The following FBXL18 variants were observed in gnomAD, a reference collection of about 807,000 sequenced individuals.
The protein encoded by FBXL18 is F-box/LRR-repeat protein 18.
A neutral mutation model predicts 46.0 loss-of-function variants in FBXL18; 36 were observed. That is an observed-to-expected ratio of 0.78 (90% CI 0.60 to 1.03). FBXL18 has a LOEUF of 1.03. Among genes scored for constraint, FBXL18 ranks in the 50% least tolerant of loss-of-function variants. The probability of loss-of-function intolerance (pLI) is 0.00; values close to 1 mark genes in which losing one functional copy is unlikely to be tolerated. For synonymous variants in FBXL18, 557 were observed against 465.3 expected, an observed-to-expected ratio of 1.20 and a Z score of -2.54; for missense variants, 977 against 1,004.1, an observed-to-expected ratio of 0.97 and a Z score of 0.36.
chr7:5,509,710 A>AG (rs1047383647), intron 1 of FBXL18, among the ~76,000 whole-genome samples: 7 of 151,492 alleles, frequency 4.6e-5, no homozygotes, highest in African/African-American at 1.7e-4. Flanking sequence ...TCAAAAAAAA[A>AG]AAAAAAAAAG....
At chr7:5,505,381 T>C in intron 2 of FBXL18, 31 bp downstream of exon 2, 1 of 1,597,868 alleles carries the variant, frequency 6.3e-7, no homozygotes. Context: ...ATCTAGCTTG[T>C]TTCTCATCTC....
chr7:5,475,228 A>G (rs1783490594), downstream of FBXL18, among the ~76,000 whole-genome samples: 1 of 151,904 alleles, frequency 6.6e-6, no homozygotes, highest in South Asian at 2.1e-4. The surrounding 1 kb of genome is among the most constrained non-coding windows in gnomAD (Gnocchi z 4.2). Flanking sequence ...AGGCTGAGGC[A>G]GGAGAATCGC....
At position 5,481,774 on chromosome 7, in the gene FBXL18, C is replaced by G. The variant is rs1234900085; in HGVS notation, c.*1G>C. The G allele has an allele frequency of 1.2e-6, 2 of 1,613,264 alleles. No individual in the cohort carries two copies. The highest frequency in any genetic ancestry group is 1.7e-6 in the Non-Finnish European group (2 of 1,179,968). ...AGACCGATGGGCGGCGGCTCCGCCTCTCACCACCACAGGTTCGGCGGTTCC... is the reference window on the plus strand; with the variant it reads ...AGACCGATGGGCGGCGGCTCCGCCTGTCACCACCACAGGTTCGGCGGTTCC... On this transcript the variant is annotated 3_prime_UTR_variant, in exon 5 of 5. Transcript: ENST00000382368.
chr7:5,464,254 G>C (rs569003481), intron 4 of FBXL18, among the ~76,000 whole-genome samples: 2 of 151,678 alleles, frequency 1.3e-5, no homozygotes, highest in Non-Finnish European at 2.9e-5. Context: ...CGAGGCAGGC[G>C]GATCACCTGA....
intron 2 of FBXL18, among the ~76,000 whole-genome samples, chr7:5,504,411 T>G (rs1490826045): frequency 6.1e-5 from 9 of 146,614 alleles, no homozygotes; most frequent in Non-Finnish European, 1.2e-4. Context: ...GCCTGGGGAT[T>G]CTCGTGCCTC....
At chr7:5,485,509 AAAAT>A (rs933059199) in intron 4 of FBXL18, among the ~76,000 whole-genome samples, 10 of 152,194 alleles carry the variant, frequency 6.6e-5, no homozygotes, top group Non-Finnish European at 1.0e-4. Flanking sequence ...ATGTGCAAAA[AAAAT>A]AAATAAATAA....
rs1282291226 is a variant in FBXL18, at chr7:5,475,909, G to C, written c.*5866C>G. ...ACAGTGAACACCAATGTCAGGAGCA[G>C]GCATCACCGTGAGACGCCACGGGGG... On this transcript the variant is annotated 3_prime_UTR_variant, in exon 5 of 5. Coordinates refer to ENST00000382368, the MANE Select transcript of FBXL18 (RefSeq NM_024963.6). This position sits in a 1 kb window ranked among gnomAD's most constrained non-coding sequence, Gnocchi z 4.2. The C allele has an allele frequency of 6.6e-6, 1 of 152,326 alleles. No individual in the cohort carries two copies. The highest frequency in any genetic ancestry group is 1.5e-5 in the Non-Finnish European group (1 of 68,080). 9.4% of individuals were successfully genotyped at this position (152,326 alleles called of 1,614,324 possible).
At chr7:5,512,974 G>C (rs913788853) in intron 1 of FBXL18, among the ~76,000 whole-genome samples, 3 of 152,138 alleles carry the variant, frequency 2.0e-5, no homozygotes, top group East Asian at 1.9e-4. Flanking sequence ...GACCTGAAAG[G>C]TGACAGATAC....
chr7:5,507,177 T>G (rs1584244003), intron 1 of FBXL18, among the ~76,000 whole-genome samples: 2 of 152,166 alleles, frequency 1.3e-5, no homozygotes, highest in East Asian at 3.8e-4. Context: ...TGTACATATT[T>G]GCCTGGATGG....
intron 4 of FBXL18, chr7:5,490,087 C>A: frequency 1.5e-6 from 2 of 1,361,484 alleles, no homozygotes; most frequent in Non-Finnish European, 2.0e-6. Context: ...ACCGCAAGGA[C>A]AACAGACTAC....
chr7:5,490,019 T>G (rs1238033280), intron 4 of FBXL18: 1 of 1,312,546 alleles, frequency 7.6e-7, no homozygotes, highest in Non-Finnish European at 1.0e-6. Flanking sequence ...CAAGTTGTTT[T>G]TACAACCAGA....
intron 1 of FBXL18, among the ~76,000 whole-genome samples, chr7:5,511,045 G>A (rs144040623): frequency 5.3e-5 from 8 of 152,204 alleles, no homozygotes; most frequent in Non-Finnish European, 8.8e-5. Flanking sequence ...CCTTTGTAGA[G>A]ATGGAGTTTT....
chr7:5,504,057 G>C (rs1203766125), intron 2 of FBXL18, among the ~76,000 whole-genome samples: 1 of 151,168 alleles, frequency 6.6e-6, no homozygotes, highest in Non-Finnish European at 1.5e-5. Flanking sequence ...GCTTCATGGA[G>C]AGGAGGCCTG....
At chr7:5,485,234 G>C (rs185978704) in intron 4 of FBXL18, among the ~76,000 whole-genome samples, 589 of 152,314 alleles carry the variant, frequency 3.9e-3, no homozygotes, top group Middle Eastern at 0.01. Context: ...TGCCACTCTA[G>C]AGTAGTGTGT....
intron 1 of FBXL18, among the ~76,000 whole-genome samples, chr7:5,512,137 C>T (rs1180816409): frequency 6.8e-6 from 1 of 147,842 alleles, no homozygotes; most frequent in African/African-American, 2.5e-5. Flanking sequence ...CCCAGCTACT[C>T]GGGAGGCTGA....
intron 4 of FBXL18, among the ~76,000 whole-genome samples, chr7:5,468,788 C>G (rs1562674951): frequency 6.6e-6 from 1 of 151,694 alleles, no homozygotes; most frequent in Non-Finnish European, 1.5e-5. Flanking sequence ...TTTGTAGAGA[C>G]AAGGATCTCA....
At chr7:5,482,092 C>G (rs1783663089) in intron 4 of FBXL18, among the ~76,000 whole-genome samples, 161 bp from the exon 5 acceptor site, 2 of 152,220 alleles carry the variant, frequency 1.3e-5, no homozygotes, top group Non-Finnish European at 2.9e-5. Flanking sequence ...CTAAGTGCCT[C>G]AAGGGCCCTG....
rs528348855 is a variant in FBXL18 at position 5,468,307 on chromosome 7, C to T, written c.2001-20464G>A. Among the ~76,000 whole-genome samples the T allele has an allele frequency of 3.3e-5, 5 of 151,870 alleles. No individual in the cohort carries two copies. In the East Asian group the frequency reaches 7.8e-4, roughly 24 times the overall value. On this transcript the variant is annotated intron_variant and NMD_transcript_variant, in intron 4 of 6. Coordinates refer to the FBXL18 transcript ENST00000415009. The stretch of plus-strand genomic sequence containing the variant: ...CCTGTTTTTGTATTTTTAGTAGAAA[C>T]GGGATTTCACTGTGTCAGCCAGGAT...
Position 5,496,474 on chromosome 7 carries a change from A to G in FBXL18, c.1781+4014T>C, listed in dbSNP as rs1242223604. 1.7e-5 allele frequency among the ~76,000 whole-genome samples: 2 copies of G among 115,010 alleles called. No homozygotes were observed. Among genetic ancestry groups the G allele is most frequent in the East Asian group, 3.6e-4 (1 of 2,782 alleles). 75.5% of individuals were successfully genotyped at this position (115,010 alleles called of 152,430 possible). On this transcript the variant is annotated intron_variant, in intron 3 of 4. Coordinates refer to ENST00000382368, the MANE Select transcript of FBXL18 (RefSeq NM_024963.6). The surrounding 1 kb of genome is among the most constrained non-coding windows in gnomAD (Gnocchi z 4.8). ...CCAATCCGTGGGCTCACCTGGATCCATAGGTGGCTAAAGGCCACCTATGAG... is the reference window on the plus strand; with the variant it reads ...CCAATCCGTGGGCTCACCTGGATCCGTAGGTGGCTAAAGGCCACCTATGAG...
Sources: gnomAD v4.1 joint callset for allele counts (sites outside exome capture counted in the v4.1 genomes callset) on GRCh38, gnomAD v4.1.1 for gene constraint, Gnocchi (gnomAD v3.1) non-coding constraint, MANE v1.5 for transcripts, NCBI Gene and HGNC (gene_info 2026-07-23, HGNC 2026-07-21) for gene names.